Variants in CDKAL1 observed in about 807,000 individuals in gnomAD.
CDKAL1 encodes the protein CDKAL1 threonylcarbamoyladenosine tRNA methylthiotransferase.
CDKAL1 carries 32 observed loss-of-function variants against 68.2 expected under a neutral mutation model. That is an observed-to-expected ratio of 0.47 (90% CI 0.35 to 0.63). CDKAL1 has a LOEUF of 0.63. Among genes scored for constraint, CDKAL1 ranks in the 30% least tolerant of loss-of-function variants. CDKAL1 has a pLI of 0.00. For synonymous variants in CDKAL1, 234 were observed against 244.3 expected, an observed-to-expected ratio of 0.96 and a Z score of 0.39; for missense variants, 606 against 696.7, an observed-to-expected ratio of 0.87 and a Z score of 1.47.
At chr6:20,705,583 A>G (rs1771557582) in intron 5 of CDKAL1, among the ~76,000 whole-genome samples, 1 of 152,234 alleles carries the variant, frequency 6.6e-6, no homozygotes, top group Non-Finnish European at 1.5e-5. Context: ...TCACCAGGAA[A>G]GACCCCCATG....
intron 11 of CDKAL1, among the ~76,000 whole-genome samples, chr6:21,055,486 G>C (rs9350315): frequency 0.3 from 45,417 of 151,904 alleles, 7,046 homozygotes; most frequent in Middle Eastern, 0.39. Flanking sequence ...CCATCACCTA[G>C]GTATTAAGCT....
At chr6:21,066,952 A>G (rs1286023141) in intron 12 of CDKAL1, among the ~76,000 whole-genome samples, 1 of 152,056 alleles carries the variant, frequency 6.6e-6, no homozygotes, top group Non-Finnish European at 1.5e-5. Flanking sequence ...TTTTGTAATC[A>G]TCTTCTCCCT....
chr6:20,609,262 T>TTCTTCCTCCTTC (rs777734746), intron 4 of CDKAL1, among the ~76,000 whole-genome samples: 1 of 24,818 alleles, frequency 4.0e-5, no homozygotes, highest in East Asian at 3.2e-3. Context: ...TCCTCCTTCC[T>TTCTTCCTCCTTC]TCCTCCTCCT....
intron 5 of CDKAL1, among the ~76,000 whole-genome samples, chr6:20,650,871 C>T (rs906139304): frequency 6.6e-6 from 1 of 152,004 alleles, no homozygotes; most frequent in Non-Finnish European, 1.5e-5. Context: ...TGTAGATGTG[C>T]GGTCTTATTT....
intron 3 of CDKAL1, among the ~76,000 whole-genome samples, chr6:20,548,118 TACA>T (rs1358376127): frequency 6.6e-6 from 1 of 152,244 alleles, no homozygotes; most frequent in Non-Finnish European, 1.5e-5. Context: ...AGACTTTTGA[TACA>T]ACAACAGATT....
At chr6:21,222,275 G>A (rs1779566864) in intron 15 of CDKAL1, among the ~76,000 whole-genome samples, 1 of 152,144 alleles carries the variant, frequency 6.6e-6, no homozygotes, top group Non-Finnish European at 1.5e-5. Context: ...CACATTTGGG[G>A]TGAAAGGGGT....
intron 13 of CDKAL1, among the ~76,000 whole-genome samples, chr6:21,121,359 CT>C (rs1426672533): frequency 2.0e-5 from 3 of 152,154 alleles, no homozygotes; most frequent in Non-Finnish European, 4.4e-5. Flanking sequence ...GTTTTCTCCT[CT>C]GTAAAATGAG....
chr6:20,990,382 A>G (rs1010999011), intron 10 of CDKAL1, among the ~76,000 whole-genome samples: 2 of 152,242 alleles, frequency 1.3e-5, no homozygotes, highest in African/African-American at 4.8e-5. Flanking sequence ...GTAAAGCCTG[A>G]TGATTGTGAC....
intron 11 of CDKAL1, among the ~76,000 whole-genome samples, chr6:21,055,112 C>T (rs1014024928): frequency 1.3e-5 from 2 of 152,112 alleles, no homozygotes; most frequent in African/African-American, 4.8e-5. Context: ...GTTAAGATCA[C>T]TATGTGGTTT....
intron 7 of CDKAL1, among the ~76,000 whole-genome samples, chr6:20,775,971 T>C (rs1775153481): frequency 6.6e-6 from 1 of 152,132 alleles, no homozygotes; most frequent in South Asian, 2.1e-4. Context: ...ATTTCCTACT[T>C]TGTCTTTAGT....
At chr6:20,629,529 C>A (rs747663981) in intron 4 of CDKAL1, among the ~76,000 whole-genome samples, 3 of 152,194 alleles carry the variant, frequency 2.0e-5, no homozygotes, top group Non-Finnish European at 4.4e-5. Flanking sequence ...TGCTGTCCCT[C>A]TATAGGAATG....
chr6:20,984,657 G>A (rs1439987068), intron 10 of CDKAL1, among the ~76,000 whole-genome samples: 4 of 150,146 alleles, frequency 2.7e-5, no homozygotes, highest in Non-Finnish European at 4.4e-5. Context: ...AAAAGGGGAC[G>A]GATTGGGAAG....
chr6:20,665,557 T>A (rs1184284043), intron 5 of CDKAL1, among the ~76,000 whole-genome samples: 1 of 152,098 alleles, frequency 6.6e-6, no homozygotes, highest in Non-Finnish European at 1.5e-5. Context: ...TTGCTAAAGT[T>A]CTTAATGACA....
At chr6:21,037,341 T>G (rs1352107484) in intron 11 of CDKAL1, among the ~76,000 whole-genome samples, 1 of 152,224 alleles carries the variant, frequency 6.6e-6, no homozygotes, top group Admixed American at 6.5e-5. Flanking sequence ...GGATGCTTGT[T>G]TGATCACCAG....
chr6:21,156,766 C>G (rs1270885132), intron 13 of CDKAL1, among the ~76,000 whole-genome samples: 1 of 152,078 alleles, frequency 6.6e-6, no homozygotes, highest in Non-Finnish European at 1.5e-5. Flanking sequence ...TACTAGAATT[C>G]AAGCAGCTGG....
chr6:20,708,122 A>G lies in CDKAL1; in HGVS notation c.372-31397A>G, dbSNP rs74661841. Among the ~76,000 whole-genome samples the G allele has an allele frequency of 8.2e-3, 1,244 of 152,240 alleles. 9 individuals carry two copies. The highest frequency in any genetic ancestry group is 0.013 in the Non-Finnish European group (898 of 68,014). On this transcript the variant is annotated intron_variant, in intron 5 of 15. Coordinates refer to ENST00000274695, the MANE Select transcript of CDKAL1 (RefSeq NM_017774.3). The stretch of plus-strand genomic sequence containing the variant: ...CTTATCTTGGTAACTTATTTACTTT[A>G]CCTTTTTACTTGAAGTTGTTAAACA...
chr6:20,845,656 G>A (rs1778350018), intron 8 of CDKAL1, among the ~76,000 whole-genome samples: 1 of 152,100 alleles, frequency 6.6e-6, no homozygotes, highest in South Asian at 2.1e-4. Flanking sequence ...AGTTAAATGA[G>A]TATGTGTTAT....
At chr6:21,030,198 A>G (rs760030706) in intron 11 of CDKAL1, among the ~76,000 whole-genome samples, 7 of 152,218 alleles carry the variant, frequency 4.6e-5, no homozygotes, top group Non-Finnish European at 7.3e-5. Context: ...TGAGATTGGA[A>G]GCCATCATCC....
At chr6:21,022,327 A>G (rs1160983162) in intron 11 of CDKAL1, among the ~76,000 whole-genome samples, 1 of 152,238 alleles carries the variant, frequency 6.6e-6, no homozygotes, top group East Asian at 1.9e-4. Context: ...ACGCCTAGCC[A>G]TAGAGTTAAC....
Sources: gnomAD v4.1 joint callset for allele counts (sites outside exome capture counted in the v4.1 genomes callset) on GRCh38, gnomAD v4.1.1 for gene constraint, MANE v1.5 for transcripts, NCBI Gene and HGNC (gene_info 2026-07-23, HGNC 2026-07-21) for gene names.